The following FBXL20 variants were observed in gnomAD, a reference collection of about 807,000 sequenced individuals.
FBXL20 encodes F-box and leucine rich repeat protein 20, also known as F-box/LRR-repeat protein 20.
FBXL20 carries 11 observed loss-of-function variants against 64.0 expected under a neutral mutation model. The ratio of observed to expected loss-of-function variants is 0.17; its 90% CI spans 0.11 to 0.28. The LOEUF is 0.28. Among genes scored for constraint, FBXL20 ranks in the 10% least tolerant of loss-of-function variants. The pLI is 1.00. For missense variants in FBXL20, 303 were observed against 526.2 expected (o/e 0.58, Z 4.15); for synonymous variants, 184 against 189.0 (o/e 0.97, Z 0.22).
At chr17:39,287,113 A>G (rs529189770) in intron 6 of FBXL20, among the ~76,000 whole-genome samples, 2 of 151,792 alleles carry the variant, frequency 1.3e-5, no homozygotes, top group Non-Finnish European at 2.9e-5. Flanking sequence ...GGTTTTCACC[A>G]TGTTGGCCAG....
At chr17:39,380,563 T>C (rs2048011851) in intron 1 of FBXL20, among the ~76,000 whole-genome samples, 1 of 152,188 alleles carries the variant, frequency 6.6e-6, no homozygotes, top group African/African-American at 2.4e-5. Flanking sequence ...GAGGTCTCCT[T>C]TACCATTCTC....
At chr17:39,270,700 C>CCATTT (rs2046836108) in intron 11 of FBXL20, 96 bp downstream of exon 11, 1 of 1,036,656 alleles carries the variant, frequency 9.6e-7, no homozygotes, top group Non-Finnish European at 1.4e-6. Context: ...AATTCTGCTA[C>CCATTT]CATTTCACAT....
chr17:39,333,477 C>T (rs1350054866), intron 2 of FBXL20, among the ~76,000 whole-genome samples: 8 of 152,316 alleles, frequency 5.3e-5, no homozygotes, highest in East Asian at 3.9e-4. Flanking sequence ...AGCGCAGTGG[C>T]GTGATCTCGG....
At chr17:39,334,598 C>T (rs1427476264) in intron 2 of FBXL20, among the ~76,000 whole-genome samples, 2 of 152,038 alleles carry the variant, frequency 1.3e-5, no homozygotes, top group Non-Finnish European at 2.9e-5. Context: ...TATGACCCAA[C>T]ACCAGAAGAG....
At chr17:39,370,688 G>A (rs111884729) in intron 1 of FBXL20, among the ~76,000 whole-genome samples, 1 of 150,384 alleles carries the variant, frequency 6.6e-6, no homozygotes, top group Non-Finnish European at 1.5e-5. Context: ...CCAGCTACTC[G>A]GGAGGCTGAG....
intron 1 of FBXL20, among the ~76,000 whole-genome samples, chr17:39,400,884 A>C (rs1265442246): frequency 2.0e-5 from 3 of 152,168 alleles, no homozygotes; most frequent in Non-Finnish European, 2.9e-5. Context: ...CTATCATCCC[A>C]AACTACCGTC....
intron 2 of FBXL20, among the ~76,000 whole-genome samples, chr17:39,321,856 T>TACC (rs1384869069): frequency 6.6e-6 from 1 of 151,684 alleles, no homozygotes; most frequent in Non-Finnish European, 1.5e-5. Context: ...TGACTGAAAC[T>TACC]ACCTGATTCA....
At chr17:39,303,059 G>A (rs900576343) in intron 3 of FBXL20, among the ~76,000 whole-genome samples, 2 of 151,836 alleles carry the variant, frequency 1.3e-5, no homozygotes, top group African/African-American at 2.4e-5. Flanking sequence ...CTTATCCATC[G>A]AGACTATCTG....
At chr17:39,343,695 CTTTT>C (rs66827882) in intron 1 of FBXL20, among the ~76,000 whole-genome samples, 7 of 134,588 alleles carry the variant, frequency 5.2e-5, no homozygotes, top group Middle Eastern at 3.8e-3. Flanking sequence ...GGCGAAAACT[CTTTT>C]TTTTTTTTTT....
intron 2 of FBXL20, among the ~76,000 whole-genome samples, chr17:39,342,625 G>A (rs1225923548): frequency 2.0e-5 from 3 of 152,342 alleles, no homozygotes; most frequent in African/African-American, 7.2e-5. Flanking sequence ...GCTGAGGCAG[G>A]AGAATGGCGT....
chr17:39,269,246 T>C (rs1260435368), intron 11 of FBXL20, among the ~76,000 whole-genome samples: 1 of 152,058 alleles, frequency 6.6e-6, no homozygotes, highest in Non-Finnish European at 1.5e-5. Context: ...TAGGCTGGAA[T>C]GCAGTGGCAT....
rs2046949163 is a variant in FBXL20 at position 39,281,382 on chromosome 17, T to C, written c.696+7A>G. 1.2e-6 allele frequency: 2 copies of C among 1,613,234 alleles called. No homozygotes were observed. Among genetic ancestry groups the C allele is most frequent in the African/African-American group, 1.3e-5 (1 of 74,908 alleles). ...AAAACAGAAGAGTTGTGAGAAGGGA[T>C]GTTTACCAAGCAAGTCTGCAAGTTC... On this transcript the variant is annotated splice_region_variant and intron_variant, in intron 9 of 14. Coordinates refer to ENST00000264658, the MANE Select transcript of FBXL20 (RefSeq NM_032875.3).
chr17:39,367,374 T>C (rs546777223), intron 1 of FBXL20, among the ~76,000 whole-genome samples: 61 of 150,590 alleles, frequency 4.1e-4, no homozygotes, highest in African/African-American at 1.5e-3. Context: ...TGGAGTGCAG[T>C]GGCGCAATCT....
intron 1 of FBXL20, among the ~76,000 whole-genome samples, chr17:39,389,115 A>AAAG (rs1351072626): frequency 6.6e-6 from 1 of 150,838 alleles, no homozygotes; most frequent in Non-Finnish European, 1.5e-5. Context: ...AAAAAAAAAA[A>AAAG]AAAAAAAAAA....
intron 1 of FBXL20, among the ~76,000 whole-genome samples, chr17:39,365,419 C>G (rs1054842174): frequency 3.3e-5 from 5 of 152,138 alleles, no homozygotes; most frequent in Non-Finnish European, 7.3e-5. Context: ...AGTGCATTGC[C>G]GTCTCATGAC....
intron 1 of FBXL20, among the ~76,000 whole-genome samples, chr17:39,390,038 G>A (rs1397203462): frequency 6.6e-6 from 1 of 152,122 alleles, no homozygotes; most frequent in Non-Finnish European, 1.5e-5. Flanking sequence ...CTAACAATGA[G>A]TACAATAATA....
chr17:39,273,813 C>T (rs2046867724), intron 10 of FBXL20, among the ~76,000 whole-genome samples: 1 of 110,654 alleles, frequency 9.0e-6, no homozygotes, highest in East Asian at 2.9e-4. Context: ...GAGCAAGACT[C>T]TGTTTCAGAA....
In FBXL20 at chr17:39,363,883, CTTTTTTTTTTT is replaced by C. The variant is rs71147324; in HGVS notation, c.43-20653_43-20643del. Among the ~76,000 whole-genome samples, 6 of 48,680 alleles carry C rather than the reference CTTTTTTTTTTT, an allele frequency of 1.2e-4. No individual in the cohort carries two copies. In the South Asian group the frequency reaches 3.0e-3, roughly 24 times the overall value. The allele number at this position is 48,680 out of a possible 152,430, so 31.9% of individuals were successfully genotyped here. On this transcript the variant is annotated intron_variant, in intron 1 of 14. Transcript: ENST00000264658. ...AGTAATGAAACCCAATGAATCATAT[CTTTTTTTTTTT>C]TTTTTTTTTTTTGAAGACAAAGTCC...
intron 2 of FBXL20, among the ~76,000 whole-genome samples, chr17:39,342,281 G>A (rs2047589965): frequency 6.6e-6 from 1 of 152,052 alleles, no homozygotes; most frequent in South Asian, 2.1e-4. Context: ...GTGAGCTACT[G>A]TAGGCCGGGT....
Sources: allele counts gnomAD v4.1 joint callset (sites outside exome capture counted in the v4.1 genomes callset), GRCh38; gene constraint gnomAD v4.1.1; transcripts MANE v1.5; gene names NCBI Gene and HGNC (gene_info 2026-07-23, HGNC 2026-07-21).